NTM: variants seen among roughly 807,000 people sequenced by gnomAD.
NTM encodes the protein IgLON family member 2.
Under a neutral mutation model 42.1 loss-of-function variants are expected in NTM, and 13 were observed. The observed-to-expected ratio is 0.31, with a 90% confidence interval of 0.20 to 0.49. NTM has a LOEUF of 0.49. Ranked by LOEUF, NTM falls within the 20% of genes least tolerant of loss-of-function variation. NTM has a pLI of 0.99. For synonymous variants in NTM, 187 were observed against 179.2 expected (o/e 1.04, Z -0.35); for missense variants, 373 against 452.8 (o/e 0.82, Z 1.60).
At chr11:131,770,580 T>G (rs1479376192) in intron 1 of NTM, among the ~76,000 whole-genome samples, 2 of 152,180 alleles carry the variant, frequency 1.3e-5, no homozygotes, top group Non-Finnish European at 2.9e-5. Context: ...GTTATAAAAT[T>G]TTTTTAATAA....
At chr11:132,310,294 G>C in intron 6 of NTM, 62 bp downstream of exon 6, 1 of 1,477,988 alleles carries the variant, frequency 6.8e-7, no homozygotes, top group African/African-American at 1.4e-5. Context: ...CTTTTCCAGG[G>C]TCCTGATTCC....
chr11:132,162,969 C>CA (rs1221329333), intron 3 of NTM, among the ~76,000 whole-genome samples: 1 of 151,922 alleles, frequency 6.6e-6, no homozygotes, highest in Non-Finnish European at 1.5e-5. Context: ...AGCAGCTACT[C>CA]AAAGGGGCTG....
intron 2 of NTM, among the ~76,000 whole-genome samples, chr11:131,928,171 C>T (rs1408563877): frequency 6.6e-6 from 1 of 151,748 alleles, no homozygotes; most frequent in African/African-American, 2.4e-5. Context: ...TTAATGAGAA[C>T]CTATGCTTAC....
At chr11:132,230,938 G>A (rs1333624009) in intron 4 of NTM, among the ~76,000 whole-genome samples, 2 of 152,240 alleles carry the variant, frequency 1.3e-5, no homozygotes, top group Non-Finnish European at 2.9e-5. Flanking sequence ...CTTGAGGCCA[G>A]GGGGTCGAGG....
chr11:131,594,841 G>A (rs2059677600), intron 1 of NTM, among the ~76,000 whole-genome samples: 1 of 152,180 alleles, frequency 6.6e-6, no homozygotes, highest in Non-Finnish European at 1.5e-5. Flanking sequence ...GGACAGGAGA[G>A]TAGGGCGCCA....
At chr11:132,126,276 T>G (rs1420152498) in intron 2 of NTM, among the ~76,000 whole-genome samples, 1 of 152,044 alleles carries the variant, frequency 6.6e-6, no homozygotes, top group Non-Finnish European at 1.5e-5. Context: ...TGTGGTGAGT[T>G]ACTTCTTAAT....
At chr11:132,101,581 T>C (rs549119043) in intron 2 of NTM, among the ~76,000 whole-genome samples, 1 of 151,868 alleles carries the variant, frequency 6.6e-6, no homozygotes, top group East Asian at 2.0e-4. Context: ...TGTGTGTGTG[T>C]GTGTATGTTT....
chr11:131,868,253 G>C (rs752313145), intron 1 of NTM, among the ~76,000 whole-genome samples: 3 of 152,166 alleles, frequency 2.0e-5, no homozygotes, highest in Non-Finnish European at 2.9e-5. Context: ...CCCTCACTCT[G>C]TCCAAGCCCC....
intron 2 of NTM, among the ~76,000 whole-genome samples, chr11:132,119,476 G>A (rs1212887985): frequency 6.6e-6 from 1 of 152,188 alleles, no homozygotes; most frequent in East Asian, 1.9e-4. Flanking sequence ...CCTGGGTTCA[G>A]CCAGACCAGG....
intron 4 of NTM, among the ~76,000 whole-genome samples, chr11:132,264,114 C>T (rs997113888): frequency 6.6e-6 from 1 of 152,196 alleles, no homozygotes; most frequent in Non-Finnish European, 1.5e-5. Context: ...TTAGCAATCT[C>T]ACCAACAAAC....
chr11:131,882,993 C>T (rs1027252080), intron 1 of NTM, among the ~76,000 whole-genome samples: 5 of 152,088 alleles, frequency 3.3e-5, no homozygotes, highest in African/African-American at 1.2e-4. Context: ...AGTCACACTC[C>T]CCATGACATA....
intron 3 of NTM, among the ~76,000 whole-genome samples, chr11:132,171,568 A>G (rs2076125698): frequency 1.3e-5 from 2 of 152,186 alleles, no homozygotes; most frequent in South Asian, 4.1e-4. Flanking sequence ...CTCCACCCTC[A>G]AAAACCATCA....
At chr11:132,119,254 A>C (rs2064368799) in intron 2 of NTM, among the ~76,000 whole-genome samples, 1 of 152,194 alleles carries the variant, frequency 6.6e-6, no homozygotes, top group Non-Finnish European at 1.5e-5. Context: ...AGTGGTGTCT[A>C]CTGAGATCAT....
At chr11:132,162,777 G>T (rs2074600147) in intron 3 of NTM, among the ~76,000 whole-genome samples, 2 of 75,240 alleles carry the variant, frequency 2.7e-5, no homozygotes, top group Admixed American at 1.3e-4. Context: ...TGTGTTTGTG[G>T]GACCTGTGTG....
chr11:132,035,464 T>A (rs1286877947), intron 2 of NTM, among the ~76,000 whole-genome samples: 3 of 152,230 alleles, frequency 2.0e-5, no homozygotes, highest in African/African-American at 7.2e-5. Flanking sequence ...CACACAGAAT[T>A]TCTTAATGCC....
At chr11:131,382,691 G>A (rs944246848) in intron 1 of NTM, among the ~76,000 whole-genome samples, 8 of 152,062 alleles carry the variant, frequency 5.3e-5, no homozygotes, top group South Asian at 2.1e-4. Flanking sequence ...GGCATCCTTC[G>A]TTCTTTCTTG....
intron 1 of NTM, among the ~76,000 whole-genome samples, chr11:131,617,008 G>T (rs890807703): frequency 6.6e-6 from 1 of 152,172 alleles, no homozygotes; most frequent in Non-Finnish European, 1.5e-5. Context: ...TCAATCAGCA[G>T]ATTCCAGCTC....
Position 132,212,040 on chromosome 11 carries a change from A to C in NTM, c.419A>C (p.Glu140Ala). 2 of 1,610,014 alleles carry C rather than the reference A, an allele frequency of 1.2e-6. No individual in the cohort carries two copies. The highest frequency in any genetic ancestry group is 1.3e-5 in the African/African-American group (1 of 74,878). ...LIVQVSPKIV[E>A]ISSDISINEG... ...TCCACAGTATCTCCCAAAATTGTAG[A>C]GATTTCTTCAGATATCTCCATTAAT... Residue 140 changes from glutamate to alanine, a missense_variant, in exon 4 of 9, where the codon GAG (glutamate) becomes GCG (alanine). Glu to Ala is a moderately radical substitution (Grantham distance 107). Transcript: ENST00000683400.
intron 8 of NTM, 108 bp downstream of exon 8, chr11:132,330,293 G>T (rs559399088): frequency 2.3e-6 from 3 of 1,288,772 alleles, no homozygotes; most frequent in East Asian, 2.6e-5. Context: ...AGGAAGCAGC[G>T]CAGAGGGAAC....
Sources: allele counts gnomAD v4.1 joint callset (sites outside exome capture counted in the v4.1 genomes callset), GRCh38; gene constraint gnomAD v4.1.1; transcripts MANE v1.5; gene names NCBI Gene and HGNC (gene_info 2026-07-23, HGNC 2026-07-21).